PRKCB: variants seen among roughly 807,000 people sequenced by gnomAD.
The protein encoded by PRKCB is protein kinase C beta, also known as protein kinase C beta type.
A neutral mutation model predicts 81.5 loss-of-function variants in PRKCB; 13 were observed. The observed-to-expected ratio is 0.16, with a 90% CI of 0.10 to 0.25. The LOEUF (loss-of-function observed/expected upper bound fraction) is 0.25, where lower values mean the gene tolerates loss of function less well. PRKCB is among the 10% of genes least tolerant of loss of function. PRKCB has a pLI of 1.00. For synonymous variants in PRKCB, 335 were observed against 321.4 expected (o/e 1.04, Z -0.45); for missense variants, 509 against 875.7 (o/e 0.58, Z 5.29).
intron 3 of PRKCB, among the ~76,000 whole-genome samples, chr16:24,022,927 C>T (rs1042785224): frequency 6.6e-6 from 1 of 152,186 alleles, no homozygotes; most frequent in Admixed American, 6.5e-5. Flanking sequence ...CACTGTGGCC[C>T]CTGGGCATGA....
chr16:24,116,229 C>CT (rs1236053274), intron 8 of PRKCB, among the ~76,000 whole-genome samples: 4 of 151,982 alleles, frequency 2.6e-5, no homozygotes, highest in Admixed American at 1.3e-4. Context: ...AAGAAACAAA[C>CT]TATCAAGTTT....
intron 9 of PRKCB, among the ~76,000 whole-genome samples, chr16:24,153,344 G>A (rs1269266785): frequency 6.6e-6 from 1 of 152,130 alleles, no homozygotes; most frequent in Non-Finnish European, 1.5e-5. Flanking sequence ...ATGATGTTAT[G>A]CAATACAAAT....
At chr16:23,880,876 A>C (rs914910672) in intron 2 of PRKCB, among the ~76,000 whole-genome samples, 1 of 152,328 alleles carries the variant, frequency 6.6e-6, no homozygotes, top group South Asian at 2.1e-4. Context: ...TCAAGATGAC[A>C]TAAGAGACTA....
chr16:24,092,707 C>A, intron 5 of PRKCB, 84 bp from the exon 6 acceptor site: 1 of 1,344,886 alleles, frequency 7.4e-7, no homozygotes, highest in Non-Finnish European at 1.0e-6. Flanking sequence ...GCCAAAGAAC[C>A]TTCCACAAGT....
intron 2 of PRKCB, among the ~76,000 whole-genome samples, chr16:23,891,174 C>T (rs1963288668): frequency 6.6e-6 from 1 of 152,020 alleles, no homozygotes; most frequent in South Asian, 2.1e-4. Flanking sequence ...GTAGCTAGGA[C>T]TACAGGCATG....
rs575228832 is a variant in PRKCB, at chr16:23,958,295, C to CTTA, written c.206-30194_206-30192dup. Among the ~76,000 whole-genome samples the CTTA allele has an allele frequency of 9.7e-3, 1,413 of 145,012 alleles. 18 individuals carry two copies. Among genetic ancestry groups the CTTA allele is most frequent in the African/African-American group, 0.024 (940 of 39,118 alleles). ...GTGTGAGCCACTGCGCCTGGCCTATCTTATTATTATTATTATTATTACTTT... is the reference window on the plus strand; with the variant it reads ...GTGTGAGCCACTGCGCCTGGCCTATCTTATTATTATTATTATTATTATTACTTT... On this transcript the variant is annotated intron_variant, in intron 2 of 16. Transcript: ENST00000643927.
chr16:23,950,132 A>AGTTTT (rs55986931), intron 2 of PRKCB, among the ~76,000 whole-genome samples: 1,836 of 97,748 alleles, frequency 0.019, 556 homozygotes, highest in Middle Eastern at 0.028. Context: ...TATGATTTGA[A>AGTTTT]TTTTTTTTTT....
Position 24,123,861 on chromosome 16 carries a change from G to A in PRKCB, c.945G>A (p.Lys315=), listed in dbSNP as rs146104501. 49 of 1,614,106 alleles carry A rather than the reference G, an allele frequency of 3.0e-5. No individual in the cohort carries two copies. The African/African-American group carries it at 4.8e-4, about 16-fold the overall frequency. ...FERAKISQGT[K]VPEEKTTNTV... is the part of the protein sequence containing the mutation. ...GGGCCAAGATCAGTCAGGGAACCAA[G>A]GTCCCGGAAGAAAAGACGACCAACA... Residue 315 remains lysine (K), a synonymous_variant, in exon 9 of 17, where the codon AAG becomes AAA. Coordinates refer to ENST00000643927, the MANE Select transcript of PRKCB (RefSeq NM_002738.7).
intron 7 of PRKCB, among the ~76,000 whole-genome samples, chr16:24,096,969 A>G (rs1364066420): frequency 6.7e-6 from 1 of 149,616 alleles, no homozygotes; most frequent in African/African-American, 2.5e-5. Flanking sequence ...CCACACACAC[A>G]TCTTTCCTTT....
intron 2 of PRKCB, among the ~76,000 whole-genome samples, chr16:23,854,610 C>G (rs1002271316): frequency 6.6e-6 from 1 of 152,188 alleles, no homozygotes; most frequent in Non-Finnish European, 1.5e-5. Context: ...GCAAGGGCTG[C>G]AGGGCTTCTT....
intron 2 of PRKCB, among the ~76,000 whole-genome samples, chr16:23,902,880 T>C (rs1041824021): frequency 2.7e-4 from 40 of 150,590 alleles, no homozygotes; most frequent in African/African-American, 9.8e-4. Context: ...CGTAGTTCAC[T>C]GTAACCTTGA....
chr16:23,931,276 G>T (rs767044106), intron 2 of PRKCB, among the ~76,000 whole-genome samples: 4 of 152,154 alleles, frequency 2.6e-5, no homozygotes, highest in Non-Finnish European at 5.9e-5. Flanking sequence ...GCTAAAGGTG[G>T]GACCAGGACC....
chr16:24,046,012 C>T (rs1965759174), intron 5 of PRKCB, among the ~76,000 whole-genome samples: 1 of 152,198 alleles, frequency 6.6e-6, no homozygotes, highest in Non-Finnish European at 1.5e-5. Context: ...TCATTGGTGA[C>T]CTGCACCTAC....
chr16:24,001,221 ACT>A (rs1169261817), intron 3 of PRKCB, among the ~76,000 whole-genome samples: 8 of 152,038 alleles, frequency 5.3e-5, no homozygotes, highest in African/African-American at 1.2e-4. Context: ...GTACAAAAGG[ACT>A]CTTTGTCTGG....
intron 5 of PRKCB, among the ~76,000 whole-genome samples, chr16:24,064,926 A>G (rs1442247522): frequency 1.3e-5 from 2 of 149,762 alleles, no homozygotes; most frequent in Admixed American, 1.3e-4. Flanking sequence ...ATGTATATAC[A>G]TATATACATA....
intron 3 of PRKCB, among the ~76,000 whole-genome samples, chr16:23,990,727 T>C (rs1964876004): frequency 6.6e-6 from 1 of 152,062 alleles, no homozygotes. Context: ...TTTTATTTGC[T>C]TGTAAAGATA....
chr16:24,092,680 C>T (rs1966389919), intron 5 of PRKCB, 111 bp from the exon 6 acceptor site: 1 of 1,049,266 alleles, frequency 9.5e-7, no homozygotes, highest in Non-Finnish European at 1.4e-6. Flanking sequence ...TTAAATTTCT[C>T]ACTAAACAAG....
At chr16:24,160,249 A>G (rs1470996597) in intron 10 of PRKCB, among the ~76,000 whole-genome samples, 3 of 139,606 alleles carry the variant, frequency 2.1e-5, no homozygotes, top group African/African-American at 8.1e-5. Context: ...CTACAGGGAT[A>G]TTGCAAGGAT....
rs755886715 is a variant in PRKCB, at chr16:24,115,731, G to GTTTTT, written c.918+2666_918+2667insTTTTT. Among the ~76,000 whole-genome samples the GTTTTT allele has an allele frequency of 5.3e-5, 8 of 152,040 alleles. No individual in the cohort carries two copies. The East Asian group carries it at 1.4e-3, about 26-fold the overall frequency. ...TATCCCAAGGATTTTGTTTTGTTTTGTTTTGTTTTTTTGAGACAGAGTCTT... is the reference window on the plus strand; with the variant it reads ...TATCCCAAGGATTTTGTTTTGTTTTGTTTTTTTTTGTTTTTTTGAGACAGAGTCTT... On this transcript the variant is annotated intron_variant, in intron 8 of 16. Coordinates refer to ENST00000643927, the MANE Select transcript of PRKCB (RefSeq NM_002738.7).
Sources: gnomAD v4.1 joint callset for allele counts (sites outside exome capture counted in the v4.1 genomes callset) on GRCh38, gnomAD v4.1.1 for gene constraint, MANE v1.5 for transcripts, NCBI Gene and HGNC (gene_info 2026-07-23, HGNC 2026-07-21) for gene names.